Variants in FAM107B observed in about 807,000 individuals in gnomAD.
FAM107B encodes protein FAM107B.
A neutral mutation model predicts 31.5 loss-of-function variants in FAM107B; 21 were observed. The observed-to-expected ratio is 0.67, with a 90% CI of 0.47 to 0.96. The LOEUF (loss-of-function observed/expected upper bound fraction) is 0.96. Ranked by LOEUF, FAM107B falls within the 40% of genes least tolerant of loss-of-function variation. The probability of loss-of-function intolerance (pLI) is 0.00; values close to 1 mark genes in which losing one functional copy is unlikely to be tolerated. For missense variants in FAM107B, 452 were observed against 377.1 expected (o/e 1.20, Z -1.64); for synonymous variants, 157 against 141.5 (o/e 1.11, Z -0.78).
chr10:14,566,473 G>C (rs1373880397), intron 2 of FAM107B, among the ~76,000 whole-genome samples: 1 of 152,134 alleles, frequency 6.6e-6, no homozygotes, highest in Non-Finnish European at 1.5e-5. Flanking sequence ...ATGACCTGAG[G>C]GAGCCTGGAA....
In FAM107B at chr10:14,573,796, C is replaced by T. The variant is rs571987290; in HGVS notation, c.470-43281G>A. Among the ~76,000 whole-genome samples, 20 of 152,158 alleles carry T rather than the reference C, an allele frequency of 1.3e-4. No individual in the cohort carries two copies. In the South Asian group the frequency reaches 3.9e-3, roughly 30 times the overall value. ...AAATTACCCAGTCTGTGGTATTCCA[C>T]TACGGCAGCATAGAACAGACTACAA... On this transcript the variant is annotated intron_variant, in intron 2 of 4. Transcript: ENST00000181796.
chr10:14,739,659 T>C (rs1856391206), intron 1 of FAM107B, among the ~76,000 whole-genome samples: 2 of 152,218 alleles, frequency 1.3e-5, no homozygotes, highest in African/African-American at 4.8e-5. Flanking sequence ...AGGGAAAATA[T>C]TTCATTTCCC....
At chr10:14,718,201 C>T (rs1185822270) in intron 1 of FAM107B, among the ~76,000 whole-genome samples, 2 of 152,076 alleles carry the variant, frequency 1.3e-5, no homozygotes, top group Non-Finnish European at 2.9e-5. Flanking sequence ...GTGGCACGCA[C>T]CTGTAGTCCC....
At chr10:14,723,970 T>G (rs1368847459) in intron 1 of FAM107B, 1 of 749,948 alleles carries the variant, frequency 1.3e-6, no homozygotes, top group Non-Finnish European at 2.4e-6. Flanking sequence ...GAAGTCAAGG[T>G]TAGTGTCACC....
chr10:14,615,848 A>G, intron 2 of FAM107B, among the ~76,000 whole-genome samples: 1 of 152,208 alleles, frequency 6.6e-6, no homozygotes, highest in Admixed American at 6.5e-5. Context: ...TACCTTGTCA[A>G]CTTTGAAGGC....
In FAM107B at chr10:14,774,803, T is replaced by G; in HGVS notation, c.-140A>C. 1.0e-6 allele frequency: 1 copy of G among 987,058 alleles called. No individual in the cohort carries two copies. The highest frequency in any genetic ancestry group is 2.9e-5 in the Admixed American group (1 of 34,166). 61.1% of individuals were successfully genotyped at this position (987,058 alleles called of 1,614,324 possible). On this transcript the variant is annotated 5_prime_UTR_variant, in exon 1 of 5. Coordinates refer to ENST00000181796, the MANE Select transcript of FAM107B (RefSeq NM_031453.4). ...GCTAGTGGTTGCCCCTAAATAGAAGTTGGGATGGCAAGGCCACCTTCCCTG... is the reference window on the plus strand; with the variant it reads ...GCTAGTGGTTGCCCCTAAATAGAAGGTGGGATGGCAAGGCCACCTTCCCTG...
chr10:14,736,025 G>A (rs1856291910), intron 1 of FAM107B, among the ~76,000 whole-genome samples: 1 of 152,142 alleles, frequency 6.6e-6, no homozygotes, highest in Non-Finnish European at 1.5e-5. Flanking sequence ...TTTATGTATG[G>A]TGCCTGGGAA....
chr10:14,606,001 C>T (rs1852579570), intron 2 of FAM107B, among the ~76,000 whole-genome samples: 1 of 152,164 alleles, frequency 6.6e-6, no homozygotes. Context: ...CATGCTTTTC[C>T]TCTCAACTTT....
intron 1 of FAM107B, among the ~76,000 whole-genome samples, chr10:14,712,040 A>G (rs999275573): frequency 6.6e-6 from 1 of 152,252 alleles, no homozygotes; most frequent in Non-Finnish European, 1.5e-5. Flanking sequence ...TTAAACCTAC[A>G]GGTTCTTGCC....
intron 1 of FAM107B, among the ~76,000 whole-genome samples, chr10:14,690,380 T>A (rs1484497451): frequency 1.3e-5 from 2 of 152,232 alleles, no homozygotes; most frequent in Non-Finnish European, 2.9e-5. Context: ...GTCACAGCTC[T>A]TTTGCCATTA....
chr10:14,638,708 T>C (rs1200204018), intron 2 of FAM107B, among the ~76,000 whole-genome samples: 1 of 152,182 alleles, frequency 6.6e-6, no homozygotes, highest in African/African-American at 2.4e-5. Context: ...TCTTTTTTAT[T>C]CCTTACTATT....
chr10:14,661,590 T>A (rs752688521), intron 2 of FAM107B: 1 of 152,228 alleles, frequency 6.6e-6, no homozygotes, highest in Non-Finnish European at 1.5e-5. Context: ...ATTTCACCAC[T>A]GGGGCTCTTG....
intron 2 of FAM107B, among the ~76,000 whole-genome samples, chr10:14,632,826 G>A (rs1331225258): frequency 3.3e-5 from 5 of 151,982 alleles, no homozygotes; most frequent in African/African-American, 7.2e-5. Context: ...GGGGGTACAG[G>A]GCAAGAAATG....
chr10:14,706,706 T>C (rs1020133416), intron 1 of FAM107B, among the ~76,000 whole-genome samples: 15 of 152,066 alleles, frequency 9.9e-5, no homozygotes, highest in Non-Finnish European at 1.5e-4. Flanking sequence ...CTTCAAAGAG[T>C]GAGCAGCTTT....
chr10:14,740,701 G>A (rs891135707), intron 1 of FAM107B, among the ~76,000 whole-genome samples: 1 of 152,152 alleles, frequency 6.6e-6, no homozygotes, highest in African/African-American at 2.4e-5. Flanking sequence ...TGCACAGGGA[G>A]GGGACAGTAA....
intron 2 of FAM107B, among the ~76,000 whole-genome samples, chr10:14,593,728 G>T (rs1012893549): frequency 6.6e-6 from 1 of 151,864 alleles, no homozygotes; most frequent in Non-Finnish European, 1.5e-5. Flanking sequence ...GCTTATCATG[G>T]CTAAAATTAT....
At position 14,520,055 on chromosome 10, in the gene FAM107B, A is replaced by G. The variant is rs1008702250; in HGVS notation, c.*1135T>C. On this transcript the variant is annotated 3_prime_UTR_variant, in exon 5 of 5. Coordinates refer to ENST00000181796, the MANE Select transcript of FAM107B (RefSeq NM_031453.4). ...AGTCATCGACATCATCCTTATCAACAGCATCATCACTCAGACAGTGGTGAA... is the reference window on the plus strand; with the variant it reads ...AGTCATCGACATCATCCTTATCAACGGCATCATCACTCAGACAGTGGTGAA... The G allele has an allele frequency of 2.0e-5, 3 of 152,774 alleles. No homozygotes were observed. Among genetic ancestry groups the G allele is most frequent in the African/African-American group, 7.2e-5 (3 of 41,578 alleles). The allele number at this position is 152,774 out of a possible 1,614,324, so 9.5% of individuals were successfully genotyped here.
chr10:14,658,070 C>G (rs960471461), intron 2 of FAM107B, among the ~76,000 whole-genome samples: 1 of 152,184 alleles, frequency 6.6e-6, no homozygotes, highest in African/African-American at 2.4e-5. Flanking sequence ...CTTCGGCCCC[C>G]CAAAGTGCTG....
Position 14,521,203 on chromosome 10 carries a change from G to A in FAM107B, c.908C>T (p.Ala303Val). 6.2e-7 allele frequency: 1 copy of A among 1,614,122 alleles called. No homozygotes were observed. The highest frequency in any genetic ancestry group is 8.5e-7 in the Non-Finnish European group (1 of 1,179,966). The change falls in exon 5 of 5, where the codon GCC (alanine) becomes GTC (valine). Residue 303 changes from alanine to valine, a missense_variant. Transcript: ENST00000181796. The stretch of plus-strand genomic sequence containing the variant: ...TGCAGCCTCAGCCTAGGACTCCTGG[G>A]CTTGGGCGACTTCTTGGCCTGTTCT... ...LRRTGQEVAQ[A>V]QES
Sources: allele counts gnomAD v4.1 joint callset (sites outside exome capture counted in the v4.1 genomes callset), GRCh38; gene constraint gnomAD v4.1.1; transcripts MANE v1.5; gene names NCBI Gene and HGNC (gene_info 2026-07-23, HGNC 2026-07-21).